Variants in SPCS2 observed in about 807,000 individuals in gnomAD.
SPCS2 encodes the protein signal peptidase complex subunit 2, also known as SPase 25 kDa subunit.
SPCS2 carries 3 observed loss-of-function variants against 22.3 expected under a neutral mutation model. That is an observed-to-expected ratio of 0.13 (90% confidence interval 0.06 to 0.35). The LOEUF is 0.35. Among genes scored for constraint, SPCS2 ranks in the 10% least tolerant of loss-of-function variants. The probability of loss-of-function intolerance (pLI) is 1.00; values close to 1 mark genes in which losing one functional copy is unlikely to be tolerated. For missense variants in SPCS2, 169 were observed against 280.9 expected, an observed-to-expected ratio of 0.60 and a Z score of 2.85; for synonymous variants, 67 against 97.2, an observed-to-expected ratio of 0.69 and a Z score of 1.83.
At chr11:74,951,075 G>A (rs1440726044) in intron 1 of SPCS2, among the ~76,000 whole-genome samples, 1 of 152,184 alleles carries the variant, frequency 6.6e-6, no homozygotes, top group Non-Finnish European at 1.5e-5. Flanking sequence ...ATTCTGCTAA[G>A]GCAGTATAGA....
chr11:74,972,274 G>A lies in SPCS2; in HGVS notation c.494+2575G>A, dbSNP rs904543119. ...AGATGGGGTTTCACCATGTTGGCCA[G>A]GCTGGACTTGAACTCGTGACCTCAA... is the stretch of plus-strand genomic sequence containing the variant. On this transcript the variant is annotated intron_variant, in intron 4 of 4. Transcript: ENST00000263672. Among the ~76,000 whole-genome samples the A allele has an allele frequency of 2.0e-5, 3 of 152,144 alleles. No individual in the cohort carries two copies. The East Asian group carries it at 5.8e-4, about 29-fold the overall frequency.
intron 1 of SPCS2, among the ~76,000 whole-genome samples, chr11:74,959,773 G>A (rs1162936638): frequency 6.6e-6 from 1 of 152,130 alleles, no homozygotes; most frequent in Non-Finnish European, 1.5e-5. Context: ...ACAGAAGGCT[G>A]TATTCCCTCA....
At chr11:74,951,451 A>C (rs1375177678) in intron 1 of SPCS2, among the ~76,000 whole-genome samples, 1 of 152,184 alleles carries the variant, frequency 6.6e-6, no homozygotes, top group Non-Finnish European at 1.5e-5. Context: ...TATTCGCTCA[A>C]GTGTGTACTT....
chr11:74,962,601 C>T (rs1187763677), intron 1 of SPCS2, among the ~76,000 whole-genome samples: 1 of 148,002 alleles, frequency 6.8e-6, no homozygotes, highest in East Asian at 2.0e-4. Context: ...GTAGAGAGAA[C>T]ATGAGGAGCA....
chr11:74,969,217 G>A (rs924219924), intron 3 of SPCS2, among the ~76,000 whole-genome samples: 2 of 152,084 alleles, frequency 1.3e-5, no homozygotes, highest in Admixed American at 6.5e-5. Flanking sequence ...GGGACTATTC[G>A]TTGTTTTTTA....
rs1433292450 is a variant in SPCS2 at position 74,978,652 on chromosome 11, T to C, written c.*1609T>C. On this transcript the variant is annotated 3_prime_UTR_variant, in exon 5 of 5. Coordinates refer to ENST00000263672, the MANE Select transcript of SPCS2 (RefSeq NM_014752.3). ...TCTGGATTACCTATAATACCTAATA[T>C]AATGTAAATGCTATGTAAATAGTTA... The C allele has an allele frequency of 1.3e-5, 2 of 152,258 alleles. No homozygotes were observed. The highest frequency in any genetic ancestry group is 2.9e-5 in the Non-Finnish European group (2 of 68,040). The allele number at this position is 152,258 out of a possible 1,614,324, so 9.4% of individuals were successfully genotyped here. A position where few individuals can be genotyped will look rare whatever the true frequency, so the allele number is the denominator to read the frequency against.
At chr11:74,954,609 C>T (rs1023918557) in intron 1 of SPCS2, among the ~76,000 whole-genome samples, 4 of 152,136 alleles carry the variant, frequency 2.6e-5, no homozygotes, top group Admixed American at 6.6e-5. Flanking sequence ...AGAAGATGAA[C>T]GGTTTTATAA....
At position 74,963,567 on chromosome 11, in the gene SPCS2, G is replaced by GTTTA. The variant is rs748317090; in HGVS notation, c.115-1447_115-1444dup. 1.1e-3 allele frequency: 437 copies of GTTTA among 410,524 alleles called. 3 individuals are homozygous for GTTTA. Among genetic ancestry groups the GTTTA allele is most frequent in the African/African-American group, 6.8e-3 (312 of 45,818 alleles). The allele number at this position is 410,524 out of a possible 1,614,324, so 25.4% of individuals were successfully genotyped here. A position where few individuals can be genotyped will look rare whatever the true frequency, so the allele number is the denominator to read the frequency against. The stretch of plus-strand genomic sequence containing the variant: ...TTATTGTTTGTTTGTTTGTTTGTTT[G>GTTTA]TTTATTTATTTATTTATTTATTTTC... On this transcript the variant is annotated intron_variant, in intron 1 of 4. Transcript: ENST00000263672.
intron 1 of SPCS2, among the ~76,000 whole-genome samples, chr11:74,964,342 C>G (rs1008465805): frequency 3.9e-5 from 6 of 152,216 alleles, no homozygotes; most frequent in Non-Finnish European, 8.8e-5. Flanking sequence ...GGGAAACTTT[C>G]TAAACCTCTA....
intron 4 of SPCS2, among the ~76,000 whole-genome samples, chr11:74,976,214 T>G (rs1436768476): frequency 6.6e-6 from 1 of 152,118 alleles, no homozygotes; most frequent in Non-Finnish European, 1.5e-5. Flanking sequence ...AAGACAACAA[T>G]CTTTGCTCAA....
chr11:74,955,030 C>T (rs868154365), intron 1 of SPCS2, among the ~76,000 whole-genome samples: 6 of 152,146 alleles, frequency 3.9e-5, no homozygotes, highest in African/African-American at 7.2e-5. Flanking sequence ...AACCACTTCA[C>T]GTCCACTAAG....
Position 74,963,332 on chromosome 11 carries a change from GA to G in SPCS2, c.115-1694del, listed in dbSNP as rs1013517796. Among the ~76,000 whole-genome samples, 208 of 151,488 alleles carry G rather than the reference GA, an allele frequency of 1.4e-3. 1 individual carries two copies. The highest frequency in any genetic ancestry group is 4.7e-3 in the African/African-American group (196 of 41,334). Reference sequence around the variant, plus strand: ...TTTGCTTTTACAGGGCACCAAGGGGGAAAAAAAACTTGATTGACTTTTAATC... The same window carrying G: ...TTTGCTTTTACAGGGCACCAAGGGGGAAAAAAACTTGATTGACTTTTAATC... On this transcript the variant is annotated intron_variant, in intron 1 of 4. Transcript: ENST00000263672.
chr11:74,953,458 G>A (rs976611992), intron 1 of SPCS2, among the ~76,000 whole-genome samples: 3 of 152,096 alleles, frequency 2.0e-5, no homozygotes, highest in Non-Finnish European at 4.4e-5. Context: ...CTCCCAAAGT[G>A]CGGGGTTTAC....
At chr11:74,953,215 T>C (rs1310505146) in intron 1 of SPCS2, among the ~76,000 whole-genome samples, 1 of 150,956 alleles carries the variant, frequency 6.6e-6, no homozygotes, top group African/African-American at 2.5e-5. Context: ...ACCTTTAATA[T>C]AATTTTTTTT....
chr11:74,971,726 A>G (rs1373229234), intron 4 of SPCS2, among the ~76,000 whole-genome samples: 3 of 152,120 alleles, frequency 2.0e-5, no homozygotes, highest in Admixed American at 2.0e-4. Context: ...AACACAAGCT[A>G]TGTGACTCTC....
chr11:74,965,988 C>G, intron 3 of SPCS2, 65 bp downstream of exon 3: 25 of 1,482,712 alleles, frequency 1.7e-5, no homozygotes, highest in Non-Finnish European at 2.0e-5. Flanking sequence ...TGATATTTCT[C>G]CCTACAAAAA....
chr11:74,955,884 A>C lies in SPCS2; in HGVS notation c.114+6485A>C, dbSNP rs867349425. On this transcript the variant is annotated intron_variant, in intron 1 of 4. Coordinates refer to ENST00000263672, the MANE Select transcript of SPCS2 (RefSeq NM_014752.3). ...TATATATATATATATATATATATAT[A>C]TATCTGCCTGCCTAGGTACCTTTTT... is the stretch of plus-strand genomic sequence containing the variant. 1.0e-4 allele frequency among the ~76,000 whole-genome samples: 13 copies of C among 127,840 alleles called. No individual in the cohort carries two copies. The East Asian group carries it at 1.0e-3, about 10-fold the overall frequency. 83.9% of individuals were successfully genotyped at this position (127,840 alleles called of 152,430 possible). A position where few individuals can be genotyped will look rare whatever the true frequency, so the allele number is the denominator to read the frequency against.
intron 1 of SPCS2, chr11:74,963,567 G>C: frequency 2.4e-6 from 1 of 410,114 alleles, no homozygotes. Flanking sequence ...TTGTTTGTTT[G>C]TTTATTTATT....
At chr11:74,966,089 A>G (rs919579714) in intron 3 of SPCS2, among the ~76,000 whole-genome samples, 166 bp downstream of exon 3, 10 of 152,222 alleles carry the variant, frequency 6.6e-5, no homozygotes, top group African/African-American at 1.7e-4. Context: ...ATCAGTTTAT[A>G]TAGTAACTGT....
Sources: gnomAD v4.1 joint callset for allele counts (sites outside exome capture counted in the v4.1 genomes callset) on GRCh38, gnomAD v4.1.1 for gene constraint, MANE v1.5 for transcripts, NCBI Gene and HGNC (gene_info 2026-07-23, HGNC 2026-07-21) for gene names.